The following DGKB variants were observed in gnomAD, a reference collection of about 807,000 sequenced individuals.
The protein encoded by DGKB is 90 kDa diacylglycerol kinase.
In DGKB, 67 loss-of-function variants were observed where a neutral mutation model predicts 114.3. The ratio of observed to expected loss-of-function variants is 0.59; its 90% CI spans 0.48 to 0.72. The LOEUF (loss-of-function observed/expected upper bound fraction) is 0.72. DGKB is among the 30% of genes least tolerant of loss of function. The pLI is 0.00. For synonymous variants in DGKB, 398 were observed against 323.1 expected, an observed-to-expected ratio of 1.23 and a Z score of -2.49; for missense variants, 907 against 975.2, an observed-to-expected ratio of 0.93 and a Z score of 0.93.
intron 14 of DGKB, among the ~76,000 whole-genome samples, chr7:14,627,960 A>AAAC (rs1554555777): frequency 2.0e-5 from 3 of 151,770 alleles, no homozygotes; most frequent in African/African-American, 7.3e-5. Context: ...CAAAAAAAAA[A>AAAC]AACAACAAAA....
At chr7:14,726,736 T>G (rs1830088613) in intron 5 of DGKB, among the ~76,000 whole-genome samples, 1 of 152,248 alleles carries the variant, frequency 6.6e-6, no homozygotes, top group Non-Finnish European at 1.5e-5. Flanking sequence ...TGCACATATA[T>G]TTGCCAAATC....
chr7:14,708,606 C>T (rs1341488928), intron 6 of DGKB, among the ~76,000 whole-genome samples: 2 of 151,200 alleles, frequency 1.3e-5, no homozygotes, highest in African/African-American at 4.9e-5. Flanking sequence ...GGTACTGGTA[C>T]CAAAACAGAG....
At chr7:14,604,251 T>C (rs1804071988) in intron 17 of DGKB, among the ~76,000 whole-genome samples, 1 of 152,082 alleles carries the variant, frequency 6.6e-6, no homozygotes, top group Non-Finnish European at 1.5e-5. Context: ...TACACACCCA[T>C]TTCTGTTTTA....
intron 13 of DGKB, among the ~76,000 whole-genome samples, chr7:14,645,402 C>G (rs184394738): frequency 1.3e-5 from 2 of 152,012 alleles, no homozygotes; most frequent in Non-Finnish European, 2.9e-5. Context: ...TGGTAATATT[C>G]TCTGCCGCTC....
At chr7:14,218,225 A>G (rs1789317906) in intron 23 of DGKB, among the ~76,000 whole-genome samples, 1 of 152,056 alleles carries the variant, frequency 6.6e-6, no homozygotes, top group African/African-American at 2.4e-5. Context: ...GAGAAGAGGA[A>G]AAGAAATGGA....
chr7:14,673,954 A>C (rs1819430805), intron 12 of DGKB, among the ~76,000 whole-genome samples: 1 of 151,900 alleles, frequency 6.6e-6, no homozygotes, highest in South Asian at 2.1e-4. Context: ...TTTTGAATCA[A>C]AAGCTACCTC....
chr7:14,927,783 A>G (rs897469564), intron 1 of DGKB, among the ~76,000 whole-genome samples: 2 of 151,984 alleles, frequency 1.3e-5, no homozygotes, highest in African/African-American at 4.8e-5. Context: ...TCAAAACATG[A>G]TAACAAGTTG....
At chr7:14,188,386 C>T (rs1025873297) in intron 23 of DGKB, among the ~76,000 whole-genome samples, 7 of 120,544 alleles carry the variant, frequency 5.8e-5, no homozygotes, top group South Asian at 2.3e-4. Context: ...ATTGGCCGGG[C>T]GCGGTGGCTC....
chr7:14,708,736 T>C (rs981460767), intron 6 of DGKB, among the ~76,000 whole-genome samples: 31 of 151,148 alleles, frequency 2.1e-4, no homozygotes, highest in African/African-American at 7.6e-4. Flanking sequence ...ATTTAATAAA[T>C]GGTGCTGGGA....
intron 5 of DGKB, among the ~76,000 whole-genome samples, chr7:14,728,850 G>A (rs1830412247): frequency 6.6e-6 from 1 of 151,326 alleles, no homozygotes; most frequent in African/African-American, 2.4e-5. Context: ...TTACAGGTGT[G>A]CACCACCACG....
intron 21 of DGKB, among the ~76,000 whole-genome samples, chr7:14,363,801 G>C (rs1816173591): frequency 6.6e-6 from 1 of 152,126 alleles, no homozygotes; most frequent in Non-Finnish European, 1.5e-5. Flanking sequence ...AGCAGAGGCA[G>C]TGCTTAAATT....
chr7:14,716,660 G>A lies in DGKB; in HGVS notation c.466+1882C>T, dbSNP rs563139933. ...AACTTTTACATATGCAATTTTAGAA[G>A]GGTAAACATATGTGGTAAATTGTTA... On this transcript the variant is annotated intron_variant, in intron 6 of 25. Coordinates refer to ENST00000402815, the MANE Select transcript of DGKB (RefSeq NM_001350709.2). Among the ~76,000 whole-genome samples the A allele has an allele frequency of 2.0e-5, 3 of 152,218 alleles. No homozygotes were observed. The East Asian group carries it at 5.8e-4, about 29-fold the overall frequency.
At chr7:14,325,987 G>A (rs1808637140) in intron 23 of DGKB, among the ~76,000 whole-genome samples, 1 of 151,820 alleles carries the variant, frequency 6.6e-6, no homozygotes. Flanking sequence ...CACACAAGGA[G>A]GTAGAAAAGT....
intron 1 of DGKB, among the ~76,000 whole-genome samples, chr7:14,911,733 A>T (rs1323602626): frequency 6.6e-6 from 1 of 152,204 alleles, no homozygotes; most frequent in Non-Finnish European, 1.5e-5. Context: ...GCATCTGGGT[A>T]CTATGATCCA....
At chr7:14,575,551 G>C (rs1306500938) in intron 19 of DGKB, among the ~76,000 whole-genome samples, 2 of 152,134 alleles carry the variant, frequency 1.3e-5, no homozygotes, top group African/African-American at 4.8e-5. Flanking sequence ...TAGGGTTCTT[G>C]TGAAGATTAA....
intron 6 of DGKB, among the ~76,000 whole-genome samples, chr7:14,718,100 A>G (rs1032115762): frequency 7.9e-5 from 12 of 152,318 alleles, no homozygotes; most frequent in African/African-American, 2.9e-4. Flanking sequence ...TCTGCCAACA[A>G]GAGTGTTAGT....
At chr7:14,754,697 TG>T (rs778417595) in intron 3 of DGKB, among the ~76,000 whole-genome samples, 1 of 152,178 alleles carries the variant, frequency 6.6e-6, no homozygotes, top group Non-Finnish European at 1.5e-5. Context: ...TCACTGAAAC[TG>T]GATCTCTGCT....
At chr7:14,754,195 G>C (rs374935275) in intron 3 of DGKB, among the ~76,000 whole-genome samples, 65 of 152,140 alleles carry the variant, frequency 4.3e-4, no homozygotes, top group African/African-American at 1.5e-3. Flanking sequence ...GTGGGGTCGG[G>C]GGGAGGCAGG....
At position 14,685,272 on chromosome 7, in the gene DGKB, C is replaced by T. The variant is rs774549823; in HGVS notation, c.802G>A (p.Val268Met). The T allele has an allele frequency of 6.2e-6, 10 of 1,613,488 alleles. No individual in the cohort carries two copies. Among genetic ancestry groups the T allele is most frequent in the African/African-American group, 1.3e-5 (1 of 74,916 alleles). Residue 268 changes from valine (V) to methionine (M), a missense_variant, in exon 10 of 26, where the codon GTG becomes ATG. Val to Met is a conservative substitution (Grantham distance 21). Transcript: ENST00000402815. ...CNLCLNMLIG[V>M]GKQGLCCSFC... The stretch of plus-strand genomic sequence containing the variant: ...GAACAGCAGAGGCCCTGCTTCCCCA[C>T]GCCAATCAGCATGTTCAGGCAAAGG...
Sources: gnomAD v4.1 joint callset for allele counts (sites outside exome capture counted in the v4.1 genomes callset) on GRCh38, gnomAD v4.1.1 for gene constraint, MANE v1.5 for transcripts, NCBI Gene and HGNC (gene_info 2026-07-23, HGNC 2026-07-21) for gene names.